Variants in GPR158 observed in about 807,000 individuals in gnomAD.
The protein encoded by GPR158 is metabotropic glycine receptor.
A neutral mutation model predicts 78.2 loss-of-function variants in GPR158; 30 were observed. That is an observed-to-expected ratio of 0.38 (90% CI 0.29 to 0.52). The LOEUF (loss-of-function observed/expected upper bound fraction) is 0.52, where lower values mean the gene tolerates loss of function less well. GPR158 is among the 20% of genes least tolerant of loss of function. GPR158 has a pLI of 0.83. For missense variants in GPR158, 1,463 were observed against 1,523.5 expected, an observed-to-expected ratio of 0.96 and a Z score of 0.66; for synonymous variants, 581 against 591.1, an observed-to-expected ratio of 0.98 and a Z score of 0.25.
intron 5 of GPR158, among the ~76,000 whole-genome samples, chr10:25,516,629 T>A (rs1185003396): frequency 1.6e-4 from 19 of 122,166 alleles, no homozygotes; most frequent in African/African-American, 6.1e-4. Flanking sequence ...AAATAGGGAA[T>A]CCTTTCCCCA....
chr10:25,512,529 T>G (rs897854107), intron 5 of GPR158, among the ~76,000 whole-genome samples: 3 of 152,146 alleles, frequency 2.0e-5, no homozygotes, highest in Non-Finnish European at 4.4e-5. Flanking sequence ...TTTATTTCTT[T>G]CTCTTCTCTG....
chr10:25,480,778 A>G (rs7912182), intron 5 of GPR158, among the ~76,000 whole-genome samples: 1,954 of 152,222 alleles, frequency 0.013, 49 homozygotes, highest in African/African-American at 0.044. Context: ...GTTGTGAATA[A>G]TGCTTGTTGT....
intron 4 of GPR158, among the ~76,000 whole-genome samples, chr10:25,458,789 G>A (rs1340660739): frequency 6.6e-6 from 1 of 152,152 alleles, no homozygotes; most frequent in Non-Finnish European, 1.5e-5. Context: ...TAATCCATCA[G>A]TTTGTAATTC....
intron 5 of GPR158, among the ~76,000 whole-genome samples, chr10:25,498,756 T>C (rs1002008674): frequency 5.3e-5 from 8 of 152,304 alleles, no homozygotes; most frequent in African/African-American, 1.7e-4. Flanking sequence ...CATTTTTGAA[T>C]GTAGGGCTGT....
chr10:25,345,498 G>C (rs916002456), intron 2 of GPR158, among the ~76,000 whole-genome samples: 1 of 151,852 alleles, frequency 6.6e-6, no homozygotes, highest in Non-Finnish European at 1.5e-5. Flanking sequence ...ACATAATCCA[G>C]ATTAATATTA....
At chr10:25,200,811 C>A (rs1852913649) in intron 1 of GPR158, among the ~76,000 whole-genome samples, 1 of 150,050 alleles carries the variant, frequency 6.7e-6, no homozygotes, top group Admixed American at 6.7e-5. Context: ...AGGTATGTGG[C>A]ATTATTTCTG....
chr10:25,415,007 A>G (rs928339116), intron 4 of GPR158, among the ~76,000 whole-genome samples: 2 of 152,230 alleles, frequency 1.3e-5, no homozygotes, highest in South Asian at 2.1e-4. Context: ...GCATTCACAC[A>G]CCATATACAA....
At position 25,549,462 on chromosome 10, in the gene GPR158, C is replaced by CTT. The variant is rs34318456; in HGVS notation, c.1405-1505_1405-1504dup. Among the ~76,000 whole-genome samples the CTT allele has an allele frequency of 2.7e-3, 402 of 150,076 alleles. 11 individuals carry two copies. The highest frequency in any genetic ancestry group is 0.023 in the East Asian group (119 of 5,098). On this transcript the variant is annotated intron_variant, in intron 5 of 10. Coordinates refer to ENST00000376351, the MANE Select transcript of GPR158 (RefSeq NM_020752.3). ...TGAAAACAGTAAAAACAGGTTTTTA[C>CTT]TTTTTTTTTTCCTGAATCTAGACAT...
At chr10:25,566,046 C>T (rs1230125999) in intron 6 of GPR158, among the ~76,000 whole-genome samples, 2 of 152,104 alleles carry the variant, frequency 1.3e-5, no homozygotes, top group South Asian at 2.1e-4. Context: ...TGAGGAAAAC[C>T]GGAATTGCAA....
chr10:25,595,411 A>G (rs1837386616), intron 9 of GPR158, among the ~76,000 whole-genome samples: 1 of 152,242 alleles, frequency 6.6e-6, no homozygotes, highest in African/African-American at 2.4e-5. Context: ...TATTTAATAA[A>G]TTTTTACTGA....
intron 5 of GPR158, among the ~76,000 whole-genome samples, chr10:25,509,174 A>G (rs988164428): frequency 1.3e-5 from 2 of 152,148 alleles, no homozygotes; most frequent in Admixed American, 6.6e-5. Context: ...GTGATGATCA[A>G]AAATGTCTCT....
At chr10:25,292,155 C>A (rs936626813) in intron 2 of GPR158, among the ~76,000 whole-genome samples, 4 of 150,718 alleles carry the variant, frequency 2.7e-5, no homozygotes, top group Admixed American at 2.0e-4. Context: ...ACTTATGTAT[C>A]AATTGGTTTA....
In GPR158 at chr10:25,598,072, A is replaced by T; in HGVS notation, c.2446A>T (p.Lys816Ter). ...TLKNRVFSLKKSHSTYDHVRD... is the reference protein window; with the variant it reads ...TLKNRVFSLK The stretch of plus-strand genomic sequence containing the variant: ...GAAAAACCGAGTCTTCTCACTCAAG[A>T]AATCCCACAGCACTTATGACCACGT... Residue 816 changes from lysine (K) to a stop codon, truncating the protein, a stop_gained, in exon 11 of 11, where the codon AAA becomes TAA. Transcript: ENST00000376351. LOFTEE classifies it low-confidence loss of function (END_TRUNC). 1 of 1,614,068 alleles carries T rather than the reference A, an allele frequency of 6.2e-7. No homozygotes were observed. Among genetic ancestry groups the T allele is most frequent in the Admixed American group, 1.7e-5 (1 of 60,022 alleles).
chr10:25,281,959 CA>C (rs1169218090), intron 2 of GPR158, among the ~76,000 whole-genome samples: 2 of 151,994 alleles, frequency 1.3e-5, no homozygotes, highest in Non-Finnish European at 2.9e-5. Flanking sequence ...TTTCTTTTAC[CA>C]ATTTTACATT....
intron 4 of GPR158, among the ~76,000 whole-genome samples, chr10:25,450,987 T>A (rs61846634): frequency 2.7e-5 from 4 of 148,846 alleles, no homozygotes; most frequent in Non-Finnish European, 6.0e-5. Context: ...GTTTTTTTTT[T>A]AATTTTTCAA....
chr10:25,534,788 T>C (rs11596168), intron 5 of GPR158, among the ~76,000 whole-genome samples: 81 of 152,044 alleles, frequency 5.3e-4, no homozygotes, highest in Admixed American at 8.6e-4. Flanking sequence ...GATAGACAGA[T>C]AGACAGACAG....
At chr10:25,483,528 G>A (rs571836607) in intron 5 of GPR158, among the ~76,000 whole-genome samples, 1 of 152,088 alleles carries the variant, frequency 6.6e-6, no homozygotes, top group Non-Finnish European at 1.5e-5. Flanking sequence ...TTTACATGCT[G>A]TGTTACTTTA....
At chr10:25,560,263 T>G in intron 6 of GPR158, among the ~76,000 whole-genome samples, 1 of 152,298 alleles carries the variant, frequency 6.6e-6, no homozygotes, top group South Asian at 2.1e-4. Context: ...TTTTTATTTT[T>G]CATTTTATTT....
rs993052810 is a variant in GPR158 at position 25,496,535 on chromosome 10, A to G, written c.1404+29816A>G. Among the ~76,000 whole-genome samples the G allele has an allele frequency of 2.6e-5, 4 of 152,234 alleles. No individual in the cohort carries two copies. The East Asian group carries it at 7.7e-4, about 29-fold the overall frequency. ...GACTCTGGGGAGTTTTAAAGTTAGTAGAAATCCTTGGTGCTTTTCCAATTA... is the reference window on the plus strand; with the variant it reads ...GACTCTGGGGAGTTTTAAAGTTAGTGGAAATCCTTGGTGCTTTTCCAATTA... On this transcript the variant is annotated intron_variant, in intron 5 of 10. Transcript: ENST00000376351.
Sources: gnomAD v4.1 joint callset for allele counts (sites outside exome capture counted in the v4.1 genomes callset) on GRCh38, gnomAD v4.1.1 for gene constraint, MANE v1.5 for transcripts, NCBI Gene and HGNC (gene_info 2026-07-23, HGNC 2026-07-21) for gene names.